Variants in CHRM3 observed in about 807,000 individuals in gnomAD.
The protein encoded by CHRM3 is cholinergic receptor muscarinic 3.
In CHRM3, 11 loss-of-function variants were observed where a neutral mutation model predicts 41.8. That is an observed-to-expected ratio of 0.26 (90% CI 0.17 to 0.44). The LOEUF (loss-of-function observed/expected upper bound fraction) is 0.44. Among genes scored for constraint, CHRM3 ranks in the 20% least tolerant of loss-of-function variants. CHRM3 has a pLI of 1.00. For missense variants in CHRM3, 571 were observed against 745.4 expected (o/e 0.77, Z 2.72); for synonymous variants, 297 against 301.4 (o/e 0.99, Z 0.15).
chr1:239,604,725 T>C (rs1234806310), intron 3 of CHRM3, among the ~76,000 whole-genome samples: 1 of 152,222 alleles, frequency 6.6e-6, no homozygotes, highest in Non-Finnish European at 1.5e-5. Flanking sequence ...TGAGAACTTT[T>C]AGATATTTTC....
At chr1:239,523,477 C>T (rs879610545) in intron 2 of CHRM3, among the ~76,000 whole-genome samples, 16 of 151,964 alleles carry the variant, frequency 1.1e-4, no homozygotes, top group Non-Finnish European at 1.8e-4. Flanking sequence ...ACAGAAAAGC[C>T]GATGAATGGA....
chr1:239,451,521 T>C (rs1159536444), intron 1 of CHRM3, among the ~76,000 whole-genome samples: 1 of 152,132 alleles, frequency 6.6e-6, no homozygotes, highest in Non-Finnish European at 1.5e-5. Flanking sequence ...GTTTCCCCAC[T>C]GGTGTACCGG....
At chr1:239,510,567 G>A (rs896405854) in intron 2 of CHRM3, among the ~76,000 whole-genome samples, 11 of 149,354 alleles carry the variant, frequency 7.4e-5, no homozygotes, top group African/African-American at 9.9e-5. Context: ...GCAGAGTTTC[G>A]CTCTTGTTGC....
At chr1:239,504,115 A>G (rs1461977148) in intron 2 of CHRM3, among the ~76,000 whole-genome samples, 3 of 152,194 alleles carry the variant, frequency 2.0e-5, no homozygotes, top group Non-Finnish European at 4.4e-5. Flanking sequence ...AGCAGAGTAA[A>G]CAGACAATCC....
At chr1:239,721,425 G>C (rs1292618556) in intron 5 of CHRM3, among the ~76,000 whole-genome samples, 1 of 151,818 alleles carries the variant, frequency 6.6e-6, no homozygotes, top group African/African-American at 2.4e-5. Context: ...TTAAATCTTA[G>C]GTATGGCAAT....
chr1:239,840,817 G>T (rs1056873112), intron 6 of CHRM3, among the ~76,000 whole-genome samples: 2 of 152,092 alleles, frequency 1.3e-5, no homozygotes, highest in African/African-American at 4.8e-5. Context: ...GAATTTCTAG[G>T]ATGGCTTCAG....
intron 4 of CHRM3, among the ~76,000 whole-genome samples, chr1:239,672,197 G>T (rs1159963641): frequency 1.3e-5 from 2 of 152,122 alleles, no homozygotes; most frequent in Non-Finnish European, 2.9e-5. Flanking sequence ...CCCCAAGATA[G>T]CTAGAGGACT....
intron 6 of CHRM3, among the ~76,000 whole-genome samples, chr1:239,879,295 T>G (rs1160975742): frequency 6.6e-6 from 1 of 152,136 alleles, no homozygotes; most frequent in African/African-American, 2.4e-5. Flanking sequence ...CGCACCCAGC[T>G]TGTGCATTTC....
At chr1:239,524,386 A>G (rs1420885959) in intron 2 of CHRM3, among the ~76,000 whole-genome samples, 2 of 152,028 alleles carry the variant, frequency 1.3e-5, no homozygotes, top group African/African-American at 2.4e-5. Context: ...TATGTTAGCT[A>G]TCATCCCAGC....
At chr1:239,708,731 A>ATTTTT (rs1169759382) in intron 5 of CHRM3, among the ~76,000 whole-genome samples, 1 of 53,346 alleles carries the variant, frequency 1.9e-5, no homozygotes, top group Non-Finnish European at 4.2e-5. Context: ...TCTGGTTTAA[A>ATTTTT]TTTTCTTTTT....
chr1:239,491,609 A>G (rs1015778988), intron 1 of CHRM3, among the ~76,000 whole-genome samples: 4 of 152,110 alleles, frequency 2.6e-5, no homozygotes, highest in Non-Finnish European at 5.9e-5. Context: ...CGTGGATTCT[A>G]TGTCTTGGCT....
chr1:239,847,998 T>C (rs1217721875), intron 6 of CHRM3, among the ~76,000 whole-genome samples: 4 of 151,080 alleles, frequency 2.6e-5, no homozygotes. Context: ...GGATTCATGG[T>C]AGCAAGAAGC....
chr1:239,404,400 GAAAGAAAGAAAAAGAAAGAAAGAA>G (rs1660323299), intron 1 of CHRM3, among the ~76,000 whole-genome samples: 171 of 59,038 alleles, frequency 2.9e-3, no homozygotes, highest in East Asian at 0.015. Context: ...AAGAAAGAAA[GAAAGAAAGAAAAAGAAAGAAAGAA>G]AGAAAGAAAG....
chr1:239,414,917 A>T (rs1157023196), intron 1 of CHRM3, among the ~76,000 whole-genome samples: 1 of 152,196 alleles, frequency 6.6e-6, no homozygotes, highest in Non-Finnish European at 1.5e-5. Context: ...TATTTCATTT[A>T]ATCCTAAAAT....
At chr1:239,780,274 A>G (rs1668414525) in intron 5 of CHRM3, among the ~76,000 whole-genome samples, 1 of 152,194 alleles carries the variant, frequency 6.6e-6, no homozygotes, top group Non-Finnish European at 1.5e-5. Context: ...CTACTGCTCC[A>G]TATCCTCACC....
intron 5 of CHRM3, among the ~76,000 whole-genome samples, chr1:239,753,450 G>A (rs188227463): frequency 1.3e-3 from 199 of 152,208 alleles, no homozygotes; most frequent in African/African-American, 4.5e-3. Context: ...AGGGGAAGCC[G>A]GTATGTATTC....
intron 4 of CHRM3, among the ~76,000 whole-genome samples, chr1:239,649,881 G>A (rs1477538137): frequency 6.6e-6 from 1 of 152,160 alleles, no homozygotes; most frequent in Admixed American, 6.5e-5. Flanking sequence ...TAACTACAAG[G>A]TACTAGGCAG....
chr1:239,861,366 G>A (rs1257580023), intron 6 of CHRM3, among the ~76,000 whole-genome samples: 1 of 152,124 alleles, frequency 6.6e-6, no homozygotes, highest in African/African-American at 2.4e-5. Context: ...GTTGAGATAT[G>A]AAGGATAATT....
intron 4 of CHRM3, among the ~76,000 whole-genome samples, chr1:239,672,638 G>A (rs1427266376): frequency 6.2e-5 from 9 of 145,102 alleles, no homozygotes; most frequent in Non-Finnish European, 1.1e-4. Flanking sequence ...ACAGAAAGGG[G>A]TAGGGGAGAA....
Sources: allele counts gnomAD v4.1 joint callset (sites outside exome capture counted in the v4.1 genomes callset), GRCh38; gene constraint gnomAD v4.1.1; transcripts MANE v1.5; gene names NCBI Gene and HGNC (gene_info 2026-07-23, HGNC 2026-07-21).